The following WDR41 variants were observed in gnomAD, a reference collection of about 807,000 sequenced individuals.
WDR41 encodes WD repeat-containing protein 41.
In WDR41, 63 loss-of-function variants were observed where a neutral mutation model predicts 69.3. The ratio of observed to expected loss-of-function variants is 0.91; its 90% CI spans 0.74 to 1.12. The LOEUF is 1.12. WDR41 is among the 50% of genes most tolerant of loss of function. The pLI, the probability that WDR41 is intolerant of heterozygous loss-of-function variation, is 0.00. For synonymous variants in WDR41, 185 were observed against 192.1 expected (o/e 0.96, Z 0.31); for missense variants, 543 against 534.5 (o/e 1.02, Z -0.16).
intron 1 of WDR41, among the ~76,000 whole-genome samples, chr5:77,553,752 C>T (rs564099299): frequency 4.7e-4 from 72 of 152,296 alleles, no homozygotes; most frequent in African/African-American, 1.6e-3. Flanking sequence ...CCACTACACA[C>T]ATATCAACAT....
chr5:77,489,142 A>G (rs1388986415), intron 2 of WDR41, among the ~76,000 whole-genome samples: 1 of 152,188 alleles, frequency 6.6e-6, no homozygotes, highest in Non-Finnish European at 1.5e-5. Flanking sequence ...GTTCTCCTTA[A>G]TATACTGTTA....
In WDR41 at chr5:77,582,451, G is replaced by A. The variant is rs934491770; in HGVS notation, c.42+38028C>T. The A allele has an allele frequency of 3.1e-6, 5 of 1,604,626 alleles. No homozygotes were observed. The African/African-American group carries it at 5.3e-5, about 17-fold the overall frequency. On this transcript the variant is annotated intron_variant, in intron 1 of 5. Transcript: ENST00000509971. Reference sequence around the variant, plus strand: ...CCTTAAGAAAAAGCGAAGGAATTTCGTAGAGCTGAAGATCAAGCGCCTGAG... The same window carrying A: ...CCTTAAGAAAAAGCGAAGGAATTTCATAGAGCTGAAGATCAAGCGCCTGAG...
intron 8 of WDR41, among the ~76,000 whole-genome samples, chr5:77,441,237 T>A (rs1245783501): frequency 6.6e-6 from 1 of 152,204 alleles, no homozygotes; most frequent in Admixed American, 6.5e-5. Context: ...AAATACCTCA[T>A]GCTGGAATAT....
chr5:77,529,656 G>C (rs1320742885), intron 1 of WDR41, among the ~76,000 whole-genome samples: 1 of 151,378 alleles, frequency 6.6e-6, no homozygotes, highest in Non-Finnish European at 1.5e-5. Flanking sequence ...ATGTGGTATT[G>C]GTATGAAGAC....
chr5:77,437,561 T>C (rs1456499265), intron 10 of WDR41, 137 bp from the exon 11 acceptor site: 20 of 760,512 alleles, frequency 2.6e-5, no homozygotes, highest in Middle Eastern at 2.4e-4. Flanking sequence ...AATCACAATT[T>C]AGCATGACGT....
intron 1 of WDR41, among the ~76,000 whole-genome samples, chr5:77,601,867 C>A (rs1209059723): frequency 2.6e-5 from 4 of 152,144 alleles, no homozygotes; most frequent in Non-Finnish European, 5.9e-5. Flanking sequence ...TTATGTAGCA[C>A]ATGCAATATT....
intron 8 of WDR41, among the ~76,000 whole-genome samples, chr5:77,444,739 T>C (rs1184526271): frequency 3.0e-4 from 46 of 152,240 alleles, no homozygotes; most frequent in Non-Finnish European, 4.4e-5. Flanking sequence ...ATCCACATCA[T>C]GGCTAACGTG....
intron 1 of WDR41, among the ~76,000 whole-genome samples, chr5:77,527,217 T>A (rs1561215222): frequency 2.0e-5 from 3 of 151,762 alleles, no homozygotes; most frequent in Admixed American, 2.0e-4. Flanking sequence ...GCCAGATTTT[T>A]AAAAAAAATC....
intron 1 of WDR41, among the ~76,000 whole-genome samples, chr5:77,596,713 T>C (rs576416276): frequency 2.0e-5 from 3 of 152,276 alleles, no homozygotes; most frequent in East Asian, 3.9e-4. Context: ...TTGTGCCATA[T>C]GTATTGATTC....
At chr5:77,446,812 T>C (rs182045291) in intron 8 of WDR41, among the ~76,000 whole-genome samples, 1 of 152,162 alleles carries the variant, frequency 6.6e-6, no homozygotes, top group East Asian at 1.9e-4. Flanking sequence ...CCTAAAACCA[T>C]AAAAACCCTA....
chr5:77,589,541 T>G (rs1048416800), intron 1 of WDR41, among the ~76,000 whole-genome samples: 1 of 152,182 alleles, frequency 6.6e-6, no homozygotes, highest in African/African-American at 2.4e-5. Context: ...TATTTATGTC[T>G]TTCTCTCAGA....
At chr5:77,499,167 TC>T (rs1801980583) in intron 1 of WDR41, among the ~76,000 whole-genome samples, 1 of 152,200 alleles carries the variant, frequency 6.6e-6, no homozygotes, top group Non-Finnish European at 1.5e-5. Flanking sequence ...ATGACGTAAC[TC>T]TTTAAGGACT....
At chr5:77,473,189 G>A (rs1398501581) in intron 2 of WDR41, among the ~76,000 whole-genome samples, 1 of 152,146 alleles carries the variant, frequency 6.6e-6, no homozygotes, top group Non-Finnish European at 1.5e-5. Flanking sequence ...AACAAGAAAT[G>A]GGGAAAGGAT....
chr5:77,497,963 A>G lies in WDR41; in HGVS notation c.43-8391T>C, dbSNP rs527293834. The stretch of plus-strand genomic sequence containing the variant: ...TCTACAACATAGATGGGCCTTGAAA[A>G]CATATGTTAAGTGAAATAAACCAAA... On this transcript the variant is annotated intron_variant, in intron 1 of 5. Coordinates refer to the WDR41 transcript ENST00000509971. Among the ~76,000 whole-genome samples, 20 of 152,336 alleles carry G rather than the reference A, an allele frequency of 1.3e-4. No individual in the cohort carries two copies. In the South Asian group the frequency reaches 4.1e-3, roughly 32 times the overall value.
intron 1 of WDR41, among the ~76,000 whole-genome samples, chr5:77,589,280 G>A (rs955749186): frequency 6.6e-6 from 1 of 152,040 alleles, no homozygotes; most frequent in Non-Finnish European, 1.5e-5. Flanking sequence ...ATTTACTATG[G>A]TTTTTTAACT....
At chr5:77,505,477 C>G (rs1198784440) in intron 1 of WDR41, among the ~76,000 whole-genome samples, 1 of 152,108 alleles carries the variant, frequency 6.6e-6, no homozygotes, top group Non-Finnish European at 1.5e-5. Flanking sequence ...GATTCAGTGC[C>G]ATCCCCATCA....
chr5:77,508,653 T>C (rs528528077), intron 1 of WDR41, among the ~76,000 whole-genome samples: 1 of 152,324 alleles, frequency 6.6e-6, no homozygotes, highest in Non-Finnish European at 1.5e-5. Flanking sequence ...GTCACAATTA[T>C]TTGTTGCTAT....
intron 2 of WDR41, among the ~76,000 whole-genome samples, chr5:77,472,377 CCT>C (rs1325832789): frequency 6.6e-6 from 1 of 151,552 alleles, no homozygotes; most frequent in East Asian, 1.9e-4. Context: ...ACAGGGATGC[CCT>C]CTCTCACCAC....
At position 77,455,684 on chromosome 5, in the gene WDR41, A is replaced by G. The variant is rs1489169543; in HGVS notation, c.412-1756T>C. Among the ~76,000 whole-genome samples, 2 of 152,314 alleles carry G rather than the reference A, an allele frequency of 1.3e-5. 1 individual carries two copies. The highest frequency in any genetic ancestry group is 6.8e-3 in the Middle Eastern group (2 of 294). ...TTGTATGTGGATGTCCAATTGACAC[A>G]GCATCATTTTTTGAAGAGACTATTC... On this transcript the variant is annotated intron_variant, in intron 5 of 12. Transcript: ENST00000296679.
Sources: gnomAD v4.1 joint callset for allele counts (sites outside exome capture counted in the v4.1 genomes callset) on GRCh38, gnomAD v4.1.1 for gene constraint, MANE v1.5 for transcripts, NCBI Gene and HGNC (gene_info 2026-07-23, HGNC 2026-07-21) for gene names.